TSPAN9: variants seen among roughly 807,000 people sequenced by gnomAD.
TSPAN9 encodes tetraspanin 9.
A neutral mutation model predicts 31.0 loss-of-function variants in TSPAN9; 16 were observed. The ratio of observed to expected loss-of-function variants is 0.52; its 90% CI spans 0.35 to 0.78. TSPAN9 has a LOEUF of 0.78. Among genes scored for constraint, TSPAN9 ranks in the 30% least tolerant of loss-of-function variants. TSPAN9 has a pLI of 0.01. For missense variants in TSPAN9, 272 were observed against 312.5 expected (o/e 0.87, Z 0.98); for synonymous variants, 145 against 121.6 (o/e 1.19, Z -1.27).
chr12:3,155,634 A>T (rs1030823486), intron 2 of TSPAN9, among the ~76,000 whole-genome samples: 1 of 152,032 alleles, frequency 6.6e-6, no homozygotes, highest in Non-Finnish European at 1.5e-5. Context: ...GAGCAAGACC[A>T]CGTCTTCCTT....
rs1862869736 is a variant in TSPAN9 at position 3,280,318 on chromosome 12, G to A, written c.331-64G>A. ...CACCCACCATCCTGGGTGACCTGAG[G>A]TGGGCTGGAGAGACGAGCTGCGTCC... On this transcript the variant is annotated intron_variant, in intron 5 of 8. Transcript: ENST00000011898. The surrounding 1 kb of genome is among the most constrained non-coding windows in gnomAD (Gnocchi z 4.5). 2 of 1,470,042 alleles carry A rather than the reference G, an allele frequency of 1.4e-6. No homozygotes were observed. Among genetic ancestry groups the A allele is most frequent in the Admixed American group, 1.7e-5 (1 of 59,438 alleles). The allele number at this position is 1,470,042 out of a possible 1,614,324, so 91.1% of individuals were successfully genotyped here. A position where few individuals can be genotyped will look rare whatever the true frequency, so the allele number is the denominator to read the frequency against.
chr12:3,088,818 G>A (rs1473156591), intron 2 of TSPAN9, among the ~76,000 whole-genome samples: 1 of 152,148 alleles, frequency 6.6e-6, no homozygotes, highest in African/African-American at 2.4e-5. Flanking sequence ...GGTGTGGCCT[G>A]CAGGAGAGGG....
chr12:3,131,836 C>A (rs2098329942), intron 2 of TSPAN9, among the ~76,000 whole-genome samples: 1 of 152,140 alleles, frequency 6.6e-6, no homozygotes, highest in African/African-American at 2.4e-5. Context: ...ATGGCATTTA[C>A]TACGTTCACC....
chr12:3,250,211 C>T (rs896704560), intron 3 of TSPAN9, among the ~76,000 whole-genome samples: 2 of 152,150 alleles, frequency 1.3e-5, no homozygotes, highest in Non-Finnish European at 2.9e-5. Flanking sequence ...TCCTGTGCCA[C>T]CCTGCATGGT....
At chr12:3,238,567 C>G (rs2098394994) in intron 3 of TSPAN9, among the ~76,000 whole-genome samples, 1 of 152,246 alleles carries the variant, frequency 6.6e-6, no homozygotes, top group Admixed American at 6.5e-5. Context: ...CCTTCCATGC[C>G]TCACGGGAAC....
At chr12:3,145,766 C>G (rs1307842620) in intron 2 of TSPAN9, among the ~76,000 whole-genome samples, 1 of 152,216 alleles carries the variant, frequency 6.6e-6, no homozygotes. Flanking sequence ...ACATGGGGTT[C>G]AGAGCAGAGA....
At chr12:3,134,793 G>C (rs184281219) in intron 2 of TSPAN9, among the ~76,000 whole-genome samples, 3 of 152,312 alleles carry the variant, frequency 2.0e-5, no homozygotes, top group Admixed American at 2.0e-4. Flanking sequence ...GGCTAGCTCT[G>C]CTGGGGAAGG....
At chr12:3,175,947 C>T (rs769795808) in intron 2 of TSPAN9, among the ~76,000 whole-genome samples, 4 of 152,194 alleles carry the variant, frequency 2.6e-5, no homozygotes, top group Non-Finnish European at 5.9e-5. Flanking sequence ...TCCCAGGGCA[C>T]TGCTCAGCCC....
chr12:3,261,763 G>A (rs370729782), intron 3 of TSPAN9, among the ~76,000 whole-genome samples: 14 of 152,302 alleles, frequency 9.2e-5, no homozygotes, highest in African/African-American at 3.4e-4. Flanking sequence ...GCCCTGAGGG[G>A]TACCTGCACC....
At chr12:3,268,094 C>T (rs1862569674) in intron 3 of TSPAN9, among the ~76,000 whole-genome samples, 2 of 152,242 alleles carry the variant, frequency 1.3e-5, no homozygotes, top group South Asian at 4.1e-4. Flanking sequence ...ACTGGTTTGT[C>T]AGCCTCCCTC....
chr12:3,080,594 A>C (rs1443385442), intron 1 of TSPAN9, among the ~76,000 whole-genome samples: 1 of 152,100 alleles, frequency 6.6e-6, no homozygotes, highest in East Asian at 1.9e-4. Context: ...CCTCGGCCCC[A>C]AAAAGTGCTG....
chr12:3,275,310 C>T (rs1862761482), intron 3 of TSPAN9, among the ~76,000 whole-genome samples: 1 of 152,168 alleles, frequency 6.6e-6, no homozygotes, highest in Admixed American at 6.5e-5. Context: ...CTTTTCCAGG[C>T]CCGAGAAGGG....
At chr12:3,206,671 G>A (rs1247322151) in intron 3 of TSPAN9, among the ~76,000 whole-genome samples, 1 of 152,070 alleles carries the variant, frequency 6.6e-6, no homozygotes, top group Non-Finnish European at 1.5e-5. Flanking sequence ...GAAAAGGCTG[G>A]CAGATGCTCT....
Position 3,212,639 on chromosome 12 carries a change from G to T in TSPAN9, c.63+11383G>T, listed in dbSNP as rs74390038. On this transcript the variant is annotated intron_variant, in intron 3 of 8. Transcript: ENST00000011898. The stretch of plus-strand genomic sequence containing the variant: ...GGTTCAGCTGAGCTCTTGTGCACAC[G>T]CACTGCAGACCTGATGAGGGAATGG... Among the ~76,000 whole-genome samples, 10 of 152,266 alleles carry T rather than the reference G, an allele frequency of 6.6e-5. No individual in the cohort carries two copies. The East Asian group carries it at 1.4e-3, about 21-fold the overall frequency.
chr12:3,254,746 G>A (rs879641669), intron 3 of TSPAN9, among the ~76,000 whole-genome samples: 35 of 152,200 alleles, frequency 2.3e-4, no homozygotes, highest in Admixed American at 7.9e-4. Context: ...ACTGTGGGTC[G>A]TCAAGGGCTC....
chr12:3,229,011 A>G (rs932423181), intron 3 of TSPAN9, among the ~76,000 whole-genome samples: 2 of 152,198 alleles, frequency 1.3e-5, no homozygotes, highest in Admixed American at 6.5e-5. Context: ...TCCTGTTGGC[A>G]TTTAGCCCTC....
At position 3,192,708 on chromosome 12, in the gene TSPAN9, C is replaced by T. The variant is rs796847550; in HGVS notation, c.-17-8469C>T. On this transcript the variant is annotated intron_variant, in intron 2 of 8. Coordinates refer to ENST00000011898, the MANE Select transcript of TSPAN9 (RefSeq NM_006675.5). This position sits in a 1 kb window ranked among gnomAD's most constrained non-coding sequence, Gnocchi z 4.6. ...AGGTGTGCATTTAGGGGGTCAACAGCATGCAGATGGCCCTGGAACGGAGGA... is the reference window on the plus strand; with the variant it reads ...AGGTGTGCATTTAGGGGGTCAACAGTATGCAGATGGCCCTGGAACGGAGGA... 2.0e-5 allele frequency among the ~76,000 whole-genome samples: 3 copies of T among 152,136 alleles called. No individual in the cohort carries two copies. The highest frequency in any genetic ancestry group is 7.2e-5 in the African/African-American group (3 of 41,498).
chr12:3,202,398 T>G (rs1394796664), intron 3 of TSPAN9, among the ~76,000 whole-genome samples: 1 of 152,206 alleles, frequency 6.6e-6, no homozygotes, highest in African/African-American at 2.4e-5. Context: ...AGCTTTTGTG[T>G]GGAGTGATCC....
chr12:3,181,817 C>T (rs1380005309), intron 2 of TSPAN9, among the ~76,000 whole-genome samples: 1 of 152,164 alleles, frequency 6.6e-6, no homozygotes, highest in Non-Finnish European at 1.5e-5. Context: ...TCTCCAGATT[C>T]ATTTTACCTG....
Sources: allele counts gnomAD v4.1 joint callset (sites outside exome capture counted in the v4.1 genomes callset), GRCh38; gene constraint gnomAD v4.1.1; non-coding constraint Gnocchi (gnomAD v3.1); transcripts MANE v1.5; gene names NCBI Gene and HGNC (gene_info 2026-07-23, HGNC 2026-07-21).